The following LRRTM4 variants were observed in gnomAD, a reference collection of about 807,000 sequenced individuals.
LRRTM4 encodes leucine-rich repeat transmembrane neuronal protein 4.
In LRRTM4, 25 loss-of-function variants were observed where a neutral mutation model predicts 47.6. The observed-to-expected ratio is 0.53, with a 90% CI of 0.38 to 0.73. The LOEUF (loss-of-function observed/expected upper bound fraction) is 0.73. Among genes scored for constraint, LRRTM4 ranks in the 30% least tolerant of loss-of-function variants. The pLI, the probability that LRRTM4 is intolerant of heterozygous loss-of-function variation, is 0.00. For missense variants in LRRTM4, 638 were observed against 713.4 expected, an observed-to-expected ratio of 0.89 and a Z score of 1.20; for synonymous variants, 311 against 269.5, an observed-to-expected ratio of 1.15 and a Z score of -1.51.
intron 3 of LRRTM4, among the ~76,000 whole-genome samples, chr2:77,455,865 A>G (rs1019344876): frequency 2.6e-5 from 4 of 151,656 alleles, no homozygotes; most frequent in African/African-American, 9.7e-5. Context: ...TCCCGATATC[A>G]CTCTCCACCA....
chr2:77,515,879 C>G (rs573762375), intron 3 of LRRTM4, among the ~76,000 whole-genome samples: 1 of 151,936 alleles, frequency 6.6e-6, no homozygotes, highest in South Asian at 2.1e-4. Flanking sequence ...ATAACAATTT[C>G]TAAGAGTTTG....
Position 77,078,407 on chromosome 2 carries a change from CAT to C in LRRTM4, c.1552-329493_1552-329492del, listed in dbSNP as rs1491252961. 5.1e-4 allele frequency among the ~76,000 whole-genome samples: 76 copies of C among 149,376 alleles called. 1 individual carries two copies. The highest frequency in any genetic ancestry group is 1.1e-3 in the Admixed American group (17 of 14,942). On this transcript the variant is annotated intron_variant, in intron 3 of 3. Coordinates refer to ENST00000409884, the MANE Select transcript of LRRTM4 (RefSeq NM_001134745.3). ...ACACACACACACACACACACACACA[CAT>C]GTTCTGGTGCACTGCTCTGTGATCC... is the stretch of plus-strand genomic sequence containing the variant.
intron 3 of LRRTM4, among the ~76,000 whole-genome samples, chr2:77,043,241 CTAG>C (rs1347769175): frequency 6.6e-6 from 1 of 151,778 alleles, no homozygotes; most frequent in Non-Finnish European, 1.5e-5. Context: ...GAAGTTGCCT[CTAG>C]TCTACCCATT....
At chr2:77,451,636 A>G (rs944105321) in intron 3 of LRRTM4, among the ~76,000 whole-genome samples, 1 of 152,210 alleles carries the variant, frequency 6.6e-6, no homozygotes, top group African/African-American at 2.4e-5. Flanking sequence ...AGCATTGATA[A>G]TATGTCAATG....
intron 3 of LRRTM4, among the ~76,000 whole-genome samples, chr2:76,874,205 T>G (rs1672716475): frequency 6.6e-6 from 1 of 151,962 alleles, no homozygotes; most frequent in Admixed American, 6.6e-5. Flanking sequence ...TGTTCATCCT[T>G]CATGTCTCAT....
intron 3 of LRRTM4, among the ~76,000 whole-genome samples, chr2:76,813,076 A>G (rs1670793030): frequency 6.6e-6 from 1 of 151,934 alleles, no homozygotes; most frequent in African/African-American, 2.4e-5. Context: ...AGGCAGGACA[A>G]TCGCTTGAAC....
intron 3 of LRRTM4, among the ~76,000 whole-genome samples, chr2:77,326,940 T>C (rs1670798976): frequency 1.3e-5 from 2 of 152,304 alleles, no homozygotes; most frequent in East Asian, 1.9e-4. Flanking sequence ...TTTCCTCTCA[T>C]GCAATTTTAA....
chr2:76,830,515 C>CGCGTGT (rs1553416352), intron 3 of LRRTM4, among the ~76,000 whole-genome samples: 11 of 143,988 alleles, frequency 7.6e-5, no homozygotes, highest in Non-Finnish European at 1.2e-4. Flanking sequence ...GCAGTGTGTG[C>CGCGTGT]GTGTGTGTGT....
chr2:77,103,088 AC>A (rs1671000021), intron 3 of LRRTM4, among the ~76,000 whole-genome samples: 1 of 152,144 alleles, frequency 6.6e-6, no homozygotes, highest in African/African-American at 2.4e-5. Flanking sequence ...TTCACATATT[AC>A]CTCAGGTGCA....
intron 3 of LRRTM4, among the ~76,000 whole-genome samples, chr2:77,182,166 C>G (rs1673365179): frequency 6.6e-6 from 1 of 152,174 alleles, no homozygotes; most frequent in African/African-American, 2.4e-5. Context: ...GACATGGAAT[C>G]AACCTAAATG....
chr2:77,334,384 T>G (rs778163400), intron 3 of LRRTM4, among the ~76,000 whole-genome samples: 20 of 152,160 alleles, frequency 1.3e-4, no homozygotes, highest in Non-Finnish European at 2.5e-4. Context: ...TTCCCACAAT[T>G]GCCACATTTC....
At chr2:77,488,580 G>T (rs1401430645) in intron 3 of LRRTM4, among the ~76,000 whole-genome samples, 2 of 152,188 alleles carry the variant, frequency 1.3e-5, no homozygotes, top group East Asian at 3.9e-4. Context: ...GACAGAAAGA[G>T]CAATGTGTTG....
chr2:77,316,769 C>G (rs1677630752), intron 3 of LRRTM4, among the ~76,000 whole-genome samples: 1 of 152,114 alleles, frequency 6.6e-6, no homozygotes, highest in Non-Finnish European at 1.5e-5. Flanking sequence ...TAGTCTCAAA[C>G]TCCTGACCTC....
chr2:76,850,657 C>A (rs763929801), intron 3 of LRRTM4, among the ~76,000 whole-genome samples: 11 of 152,148 alleles, frequency 7.2e-5, no homozygotes, highest in Non-Finnish European at 1.5e-4. Context: ...CTGTCACTGT[C>A]CTTTCCCCAC....
intron 3 of LRRTM4, among the ~76,000 whole-genome samples, chr2:77,503,951 G>A (rs995614961): frequency 6.6e-6 from 1 of 151,668 alleles, no homozygotes; most frequent in Non-Finnish European, 1.5e-5. Context: ...GGGCTCTAAT[G>A]ACACATGATA....
intron 3 of LRRTM4, among the ~76,000 whole-genome samples, chr2:77,055,982 T>C (rs962534158): frequency 1.4e-5 from 2 of 141,582 alleles, no homozygotes; most frequent in Non-Finnish European, 3.0e-5. Context: ...TAGGTGGGAA[T>C]TGAACAATGA....
At chr2:77,268,677 A>G in intron 3 of LRRTM4, among the ~76,000 whole-genome samples, 1 of 152,102 alleles carries the variant, frequency 6.6e-6, no homozygotes, top group Non-Finnish European at 1.5e-5. Context: ...AGTTGTACTC[A>G]ATTTATTTTA....
At chr2:76,791,859 A>G (rs1383165953) in intron 3 of LRRTM4, among the ~76,000 whole-genome samples, 1 of 152,188 alleles carries the variant, frequency 6.6e-6, no homozygotes, top group African/African-American at 2.4e-5. Flanking sequence ...AGTTTCCAAT[A>G]TGAAATAGAC....
Position 77,049,157 on chromosome 2 carries a change from T to TATAC in LRRTM4, c.1552-300242_1552-300241insGTAT, listed in dbSNP as rs1351971551. On this transcript the variant is annotated intron_variant, in intron 3 of 3. Transcript: ENST00000409884. Reference sequence around the variant, plus strand: ...ATATATATATATATATATATATATATACACACACACACACACCACATTTTC... The same window carrying TATAC: ...ATATATATATATATATATATATATATATACACACACACACACACACCACATTTTC... 3.6e-3 allele frequency among the ~76,000 whole-genome samples: 381 copies of TATAC among 106,226 alleles called. 1 individual carries two copies. Among genetic ancestry groups the TATAC allele is most frequent in the Admixed American group, 5.2e-3 (53 of 10,280 alleles). The allele number at this position is 106,226 out of a possible 152,430, so 69.7% of individuals were successfully genotyped here. A position where few individuals can be genotyped will look rare whatever the true frequency, so the allele number is the denominator to read the frequency against.
Sources: allele counts gnomAD v4.1 joint callset (sites outside exome capture counted in the v4.1 genomes callset), GRCh38; gene constraint gnomAD v4.1.1; transcripts MANE v1.5; gene names NCBI Gene and HGNC (gene_info 2026-07-23, HGNC 2026-07-21).